The following CYYR1 variants were observed in gnomAD, a reference collection of about 807,000 sequenced individuals.
CYYR1 encodes cysteine and tyrosine-rich protein 1.
A neutral mutation model predicts 15.2 loss-of-function variants in CYYR1; 14 were observed. That is an observed-to-expected ratio of 0.92 (90% CI 0.61 to 1.44). CYYR1 has a LOEUF of 1.44. CYYR1 is among the 40% of genes most tolerant of loss of function. The probability of loss-of-function intolerance (pLI) is 0.00; values close to 1 mark genes in which losing one functional copy is unlikely to be tolerated. For synonymous variants in CYYR1, 80 were observed against 77.4 expected (o/e 1.03, Z -0.18); for missense variants, 228 against 209.5 (o/e 1.09, Z -0.54).
intron 2 of CYYR1, among the ~76,000 whole-genome samples, chr21:26,513,781 A>C (rs910931845): frequency 2.0e-5 from 3 of 151,978 alleles, no homozygotes; most frequent in Non-Finnish European, 4.4e-5. Flanking sequence ...CAAAGAGGAA[A>C]AAACCATGCA....
chr21:26,482,486 G>A, intron 2 of CYYR1: 7 of 985,138 alleles, frequency 7.1e-6, no homozygotes, highest in Non-Finnish European at 8.4e-6. Flanking sequence ...TGTTCCCCTT[G>A]AGCCCTGTTT....
chr21:26,511,515 A>G (rs546874352), intron 2 of CYYR1, among the ~76,000 whole-genome samples: 1 of 152,244 alleles, frequency 6.6e-6, no homozygotes, highest in Admixed American at 6.5e-5. Context: ...CATATCAACA[A>G]TGAGATAAAG....
intron 2 of CYYR1, among the ~76,000 whole-genome samples, chr21:26,495,154 A>G (rs1053122586): frequency 1.3e-5 from 2 of 152,200 alleles, no homozygotes; most frequent in African/African-American, 4.8e-5. Flanking sequence ...GCCTATGTGG[A>G]CAGGCGGAAT....
At chr21:26,541,161 A>C (rs538934405) in intron 2 of CYYR1, among the ~76,000 whole-genome samples, 1 of 152,206 alleles carries the variant, frequency 6.6e-6, no homozygotes, top group African/African-American at 2.4e-5. Flanking sequence ...AAAATCTAAT[A>C]CATGTGGAGT....
intron 2 of CYYR1, among the ~76,000 whole-genome samples, chr21:26,520,406 A>C (rs1391029160): frequency 6.6e-6 from 1 of 152,000 alleles, no homozygotes; most frequent in Non-Finnish European, 1.5e-5. Context: ...AAAGGACATG[A>C]TCTCATTCCT....
At chr21:26,556,828 A>T (rs1601828428) in intron 2 of CYYR1, among the ~76,000 whole-genome samples, 1 of 152,268 alleles carries the variant, frequency 6.6e-6, no homozygotes, top group East Asian at 1.9e-4. Context: ...ACAAATCCAA[A>T]CCTATCAAAT....
intron 2 of CYYR1, among the ~76,000 whole-genome samples, chr21:26,531,524 AT>A (rs1472486964): frequency 6.6e-6 from 1 of 151,978 alleles, no homozygotes; most frequent in Admixed American, 6.6e-5. Flanking sequence ...AAAGTGCAGC[AT>A]TTTTCCCTTC....
chr21:26,569,055 C>T (rs1426911564), intron 1 of CYYR1: 2 of 152,136 alleles, frequency 1.3e-5, no homozygotes, highest in African/African-American at 4.8e-5. Flanking sequence ...TCAAAACTAC[C>T]ATTTGCCTCA....
chr21:26,497,087 C>T (rs904125957), intron 2 of CYYR1, among the ~76,000 whole-genome samples: 1 of 152,104 alleles, frequency 6.6e-6, no homozygotes, highest in African/African-American at 2.4e-5. Flanking sequence ...CCAAGTTGCA[C>T]TTGTGCCAAA....
chr21:26,481,109 A>G (rs2065174563), intron 2 of CYYR1, among the ~76,000 whole-genome samples: 1 of 152,190 alleles, frequency 6.6e-6, no homozygotes, highest in South Asian at 2.1e-4. Context: ...GCCGAATAGC[A>G]GAAAAGAGTC....
At chr21:26,510,803 T>C (rs768987980) in intron 2 of CYYR1, among the ~76,000 whole-genome samples, 5 of 152,244 alleles carry the variant, frequency 3.3e-5, no homozygotes, top group Non-Finnish European at 7.3e-5. Flanking sequence ...TTGTTGAGGA[T>C]GGTAAAATAT....
chr21:26,480,212 T>C, intron 3 of CYYR1, 60 bp downstream of exon 3: 1 of 1,493,906 alleles, frequency 6.7e-7, no homozygotes, highest in South Asian at 1.3e-5. Context: ...TCCTTCTCTC[T>C]GTGAGGAGCA....
At chr21:26,512,637 C>G (rs190510204) in intron 2 of CYYR1, among the ~76,000 whole-genome samples, 47 of 152,286 alleles carry the variant, frequency 3.1e-4, no homozygotes, top group Admixed American at 5.2e-4. Flanking sequence ...AGAAGAGTAA[C>G]ATTTTGTGAA....
intron 2 of CYYR1, among the ~76,000 whole-genome samples, chr21:26,539,460 G>A (rs222948): frequency 0.67 from 101,864 of 151,986 alleles, 34,314 homozygotes; most frequent in East Asian, 0.82. Context: ...CCAAAAATAG[G>A]CCCTAGGTTT....
At chr21:26,485,147 A>T (rs1402986046) in intron 2 of CYYR1, among the ~76,000 whole-genome samples, 3 of 152,130 alleles carry the variant, frequency 2.0e-5, no homozygotes, top group Non-Finnish European at 2.9e-5. Flanking sequence ...TATTTTTTTT[A>T]AAACAACGCC....
At position 26,542,174 on chromosome 21, in the gene CYYR1, C is replaced by T. The variant is rs189206807; in HGVS notation, c.176+24092G>A. Among the ~76,000 whole-genome samples, 118 of 137,596 alleles carry T rather than the reference C, an allele frequency of 8.6e-4. 1 individual carries two copies. Among genetic ancestry groups the T allele is most frequent in the Middle Eastern group, 8.3e-3 (2 of 242 alleles). 90.3% of individuals were successfully genotyped at this position (137,596 alleles called of 152,430 possible). A position where few individuals can be genotyped will look rare whatever the true frequency, so the allele number is the denominator to read the frequency against. ...GATGCCCTCTGAATACAGAAACTCC[C>T]TTAAGGGCTGGGAAGATATTCTATT... On this transcript the variant is annotated intron_variant, in intron 2 of 3. Coordinates refer to ENST00000652641, the MANE Select transcript of CYYR1 (RefSeq NM_001320768.2).
At chr21:26,572,113 A>T (rs2123755242) in intron 1 of CYYR1, among the ~76,000 whole-genome samples, 1 of 152,326 alleles carries the variant, frequency 6.6e-6, no homozygotes, top group South Asian at 2.1e-4. Flanking sequence ...AGACACAAAA[A>T]CATTTTACAA....
chr21:26,471,866 C>T (rs974083101), intron 3 of CYYR1, among the ~76,000 whole-genome samples: 3 of 152,044 alleles, frequency 2.0e-5, no homozygotes, highest in African/African-American at 4.8e-5. Context: ...GGTAAATAGG[C>T]CATTTATCCT....
intron 2 of CYYR1, among the ~76,000 whole-genome samples, chr21:26,529,728 G>A (rs145955381): frequency 1.1e-3 from 162 of 152,294 alleles, no homozygotes; most frequent in African/African-American, 3.8e-3. Context: ...ATTATCAGCT[G>A]TACATAGTGC....
Sources: allele counts gnomAD v4.1 joint callset (sites outside exome capture counted in the v4.1 genomes callset), GRCh38; gene constraint gnomAD v4.1.1; transcripts MANE v1.5; gene names NCBI Gene and HGNC (gene_info 2026-07-23, HGNC 2026-07-21).